IL1RAPL2: variants seen among roughly 807,000 people sequenced by gnomAD.
The protein encoded by IL1RAPL2 is interleukin 1 receptor accessory protein like 2, also known as X-linked interleukin-1 receptor accessory protein-like 2.
In IL1RAPL2, 3 loss-of-function variants were observed where a neutral mutation model predicts 44.1. That is an observed-to-expected ratio of 0.07 (90% CI 0.03 to 0.18). The LOEUF is 0.18. Ranked by LOEUF, IL1RAPL2 falls within the 10% of genes least tolerant of loss-of-function variation. The pLI is 1.00. For missense variants in IL1RAPL2, 391 were observed against 496.4 expected, an observed-to-expected ratio of 0.79 and a Z score of 2.02; for synonymous variants, 181 against 178.8, an observed-to-expected ratio of 1.01 and a Z score of -0.10.
intron 6 of IL1RAPL2, among the ~76,000 whole-genome samples, chrX:105,589,509 G>C (rs753337855): frequency 9.0e-6 from 1 of 111,136 alleles, no homozygotes; most frequent in Non-Finnish European, 1.9e-5. Flanking sequence ...CGTAGTTTTG[G>C]GTTTTATATT....
intron 2 of IL1RAPL2, among the ~76,000 whole-genome samples, chrX:104,944,934 T>C (rs997339703): frequency 6.3e-5 from 7 of 111,793 alleles, no homozygotes; most frequent in African/African-American, 2.3e-4. Flanking sequence ...CTGATCCTTA[T>C]TTCTGTTAAC....
intron 2 of IL1RAPL2, among the ~76,000 whole-genome samples, chrX:104,922,106 C>A (rs1330090214): frequency 8.9e-6 from 1 of 112,078 alleles, no homozygotes; most frequent in African/African-American, 3.2e-5. Flanking sequence ...CCCAGCCCTG[C>A]CCAGTTTTGC....
intron 1 of IL1RAPL2, among the ~76,000 whole-genome samples, chrX:104,640,092 T>A (rs144010447): frequency 0.012 from 1,386 of 111,808 alleles, 30 homozygotes; most frequent in African/African-American, 0.042. Context: ...TTCTTTTTTT[T>A]CACCTTTTGG....
chrX:104,586,189 A>G (rs140399612), intron 1 of IL1RAPL2, among the ~76,000 whole-genome samples: 3,186 of 111,303 alleles, frequency 0.029, 131 homozygotes, highest in African/African-American at 0.099. Context: ...CATTTCTCTA[A>G]TGATCAGTGA....
intron 5 of IL1RAPL2, among the ~76,000 whole-genome samples, chrX:105,316,543 C>T (rs1037566267): frequency 2.9e-4 from 32 of 111,689 alleles, no homozygotes; most frequent in African/African-American, 9.8e-4. Context: ...GGCTTTCCAT[C>T]TTAAGGAGAA....
intron 1 of IL1RAPL2, among the ~76,000 whole-genome samples, chrX:104,597,952 A>G (rs1928798811): frequency 8.9e-6 from 1 of 112,041 alleles, no homozygotes; most frequent in Admixed American, 9.5e-5. Flanking sequence ...ATGATGTGAG[A>G]TATTCTTTTT....
chrX:105,111,999 C>G (rs1288978179), intron 2 of IL1RAPL2, among the ~76,000 whole-genome samples: 1 of 111,860 alleles, frequency 8.9e-6, no homozygotes. Context: ...CTTTCTACCT[C>G]TGGCATCTGT....
intron 2 of IL1RAPL2, among the ~76,000 whole-genome samples, chrX:104,686,265 GC>G (rs1295094540): frequency 9.0e-6 from 1 of 111,728 alleles, no homozygotes; most frequent in Non-Finnish European, 1.9e-5. Context: ...TTTCTTTAGT[GC>G]TTAAGGTGTT....
chrX:105,173,544 C>G (rs2033443852), intron 2 of IL1RAPL2, among the ~76,000 whole-genome samples: 1 of 111,069 alleles, frequency 9.0e-6, no homozygotes, highest in Non-Finnish European at 1.9e-5. Flanking sequence ...AAAGTTTCTG[C>G]AGGATGCCCA....
intron 5 of IL1RAPL2, among the ~76,000 whole-genome samples, chrX:105,447,515 A>C (rs1435726144): frequency 3.9e-5 from 3 of 76,505 alleles, no homozygotes; most frequent in Non-Finnish European, 6.6e-5. Context: ...ATTTATATAA[A>C]TATAAATATA....
chrX:105,626,901 A>T (rs1368174215), intron 6 of IL1RAPL2, among the ~76,000 whole-genome samples: 1 of 111,687 alleles, frequency 9.0e-6, no homozygotes, highest in African/African-American at 3.3e-5. Flanking sequence ...GAAATTGTAT[A>T]GCCTGCAGAT....
intron 2 of IL1RAPL2, among the ~76,000 whole-genome samples, chrX:104,896,080 A>C (rs1376110049): frequency 8.1e-5 from 9 of 111,406 alleles, no homozygotes; most frequent in African/African-American, 2.9e-4. Flanking sequence ...ATGCCACCCG[A>C]TGTTTACAGG....
At chrX:104,753,643 A>T (rs761220026) in intron 2 of IL1RAPL2, among the ~76,000 whole-genome samples, 1 of 111,408 alleles carries the variant, frequency 9.0e-6, no homozygotes, top group African/African-American at 3.3e-5. Context: ...TTTCCTGAAG[A>T]CTCTGCATTC....
chrX:105,700,265 G>A (rs1569466904), intron 6 of IL1RAPL2, among the ~76,000 whole-genome samples: 1 of 111,693 alleles, frequency 9.0e-6, no homozygotes, highest in African/African-American at 3.2e-5. Context: ...AAATTTGGCA[G>A]AGAACTGAAT....
intron 2 of IL1RAPL2, among the ~76,000 whole-genome samples, chrX:105,091,561 A>T (rs7881891): frequency 0.046 from 5,101 of 111,507 alleles, 272 homozygotes; most frequent in African/African-American, 0.16. Flanking sequence ...ACCCTACCAG[A>T]TGTACATGTA....
intron 5 of IL1RAPL2, among the ~76,000 whole-genome samples, chrX:105,285,107 C>A (rs1186434077): frequency 8.9e-6 from 1 of 112,053 alleles, no homozygotes; most frequent in African/African-American, 3.2e-5. Flanking sequence ...CAGAGACTTA[C>A]CTTCTCTGGT....
intron 2 of IL1RAPL2, among the ~76,000 whole-genome samples, chrX:105,087,292 A>G (rs1226997052): frequency 3.6e-5 from 4 of 111,520 alleles, no homozygotes; most frequent in Non-Finnish European, 7.5e-5. Flanking sequence ...ACTTCTCACC[A>G]TCAATGGGAT....
chrX:105,435,866 G>A (rs2035878499), intron 5 of IL1RAPL2, among the ~76,000 whole-genome samples: 1 of 110,637 alleles, frequency 9.0e-6, no homozygotes, highest in Non-Finnish European at 1.9e-5. Context: ...CACAGGGAGG[G>A]GAACAACACA....
intron 6 of IL1RAPL2, among the ~76,000 whole-genome samples, chrX:105,638,280 CT>C (rs1307663178): frequency 9.2e-6 from 1 of 108,299 alleles, no homozygotes; most frequent in Non-Finnish European, 1.9e-5. Flanking sequence ...TTTCTTTTTT[CT>C]TTTTTTACTT....
Sources: gnomAD v4.1 joint callset for allele counts (sites outside exome capture counted in the v4.1 genomes callset) on GRCh38, gnomAD v4.1.1 for gene constraint, MANE v1.5 for transcripts, NCBI Gene and HGNC (gene_info 2026-07-23, HGNC 2026-07-21) for gene names.